Variants in RBFOX1 observed in about 807,000 individuals in gnomAD.
RBFOX1 encodes RNA binding protein fox-1 homolog 1.
Under a neutral mutation model 57.7 loss-of-function variants are expected in RBFOX1, and 8 were observed. That is an observed-to-expected ratio of 0.14 (90% CI 0.08 to 0.25). The LOEUF (loss-of-function observed/expected upper bound fraction) is 0.25, where lower values mean the gene tolerates loss of function less well. RBFOX1 is among the 10% of genes least tolerant of loss of function. The pLI, the probability that RBFOX1 is intolerant of heterozygous loss-of-function variation, is 1.00. For synonymous variants in RBFOX1, 326 were observed against 222.4 expected, an observed-to-expected ratio of 1.47 and a Z score of -4.15; for missense variants, 611 against 548.5, an observed-to-expected ratio of 1.11 and a Z score of -1.14.
chr16:7,188,965 A>T (rs1363385909), intron 4 of RBFOX1, among the ~76,000 whole-genome samples: 1 of 152,144 alleles, frequency 6.6e-6, no homozygotes, highest in Middle Eastern at 3.2e-3. Context: ...TAGCTTGATA[A>T]ACCACTCAAG....
chr16:6,804,308 A>G (rs116006024), intron 3 of RBFOX1, among the ~76,000 whole-genome samples: 1 of 152,034 alleles, frequency 6.6e-6, no homozygotes, highest in East Asian at 1.9e-4. Context: ...CAGCCCTGCC[A>G]ATACATACAA....
intron 4 of RBFOX1, among the ~76,000 whole-genome samples, chr16:7,122,906 C>A (rs779688202): frequency 6.6e-6 from 1 of 152,108 alleles, no homozygotes; most frequent in South Asian, 2.1e-4. Flanking sequence ...CAACTTGGAT[C>A]TATTTCAAAA....
intron 3 of RBFOX1, among the ~76,000 whole-genome samples, chr16:6,727,127 T>G (rs1396235649): frequency 6.7e-6 from 1 of 148,606 alleles, no homozygotes; most frequent in African/African-American, 2.5e-5. Flanking sequence ...TGTGTGTGTA[T>G]ATATAAAACA....
At chr16:6,534,251 G>GTGTGTA (rs989559645) in intron 2 of RBFOX1, among the ~76,000 whole-genome samples, 2 of 151,674 alleles carry the variant, frequency 1.3e-5, no homozygotes, top group African/African-American at 2.4e-5. Context: ...AAGGACATCA[G>GTGTGTA]TGTGTATGTG....
At chr16:7,257,760 T>C (rs1273445474) in intron 4 of RBFOX1, among the ~76,000 whole-genome samples, 4 of 152,200 alleles carry the variant, frequency 2.6e-5, no homozygotes, top group Admixed American at 1.3e-4. Flanking sequence ...TCAGTAGAAC[T>C]CTGCAGATTT....
intron 4 of RBFOX1, among the ~76,000 whole-genome samples, chr16:7,096,810 T>G (rs1204625496): frequency 6.6e-6 from 1 of 151,228 alleles, no homozygotes; most frequent in Non-Finnish European, 1.5e-5. Context: ...CTCTCCCCTG[T>G]AATCCCAGCT....
At chr16:6,524,019 CTCTT>C (rs1456939839) in intron 2 of RBFOX1, among the ~76,000 whole-genome samples, 1 of 152,140 alleles carries the variant, frequency 6.6e-6, no homozygotes, top group Non-Finnish European at 1.5e-5. Flanking sequence ...TCCAATTACA[CTCTT>C]TATTTTAAAA....
At chr16:7,051,564 G>T (rs762712055) in intron 3 of RBFOX1, among the ~76,000 whole-genome samples, 10 of 152,230 alleles carry the variant, frequency 6.6e-5, no homozygotes, top group Admixed American at 1.3e-4. Context: ...ACTACCATCT[G>T]ATTAGAACTG....
chr16:6,439,594 C>T (rs2094323780), intron 2 of RBFOX1, among the ~76,000 whole-genome samples: 1 of 152,174 alleles, frequency 6.6e-6, no homozygotes, highest in Admixed American at 6.5e-5. Flanking sequence ...GTGCAATATA[C>T]CCTTCCTGAT....
At chr16:6,777,453 T>G (rs2079569712) in intron 3 of RBFOX1, among the ~76,000 whole-genome samples, 1 of 152,184 alleles carries the variant, frequency 6.6e-6, no homozygotes, top group Non-Finnish European at 1.5e-5. Flanking sequence ...GTATCAGTTT[T>G]CAGCTGCATG....
intron 3 of RBFOX1, among the ~76,000 whole-genome samples, chr16:6,837,286 G>A (rs1198052301): frequency 1.3e-5 from 2 of 152,170 alleles, no homozygotes; most frequent in Non-Finnish European, 2.9e-5. Flanking sequence ...TGTTCCACGA[G>A]GTGGCTCAAG....
intron 3 of RBFOX1, among the ~76,000 whole-genome samples, chr16:5,851,687 A>G (rs901336174): frequency 6.6e-6 from 1 of 152,238 alleles, no homozygotes; most frequent in African/African-American, 2.4e-5. Flanking sequence ...GGTTCTGAGC[A>G]TTCCTTCCTG....
chr16:7,564,426 A>T (rs554776836), intron 5 of RBFOX1, among the ~76,000 whole-genome samples: 149 of 151,368 alleles, frequency 9.8e-4, no homozygotes, highest in African/African-American at 3.3e-3. Flanking sequence ...CTGTAATCTC[A>T]AGTACTCAGG....
At chr16:6,418,643 C>T (rs1039039965) in intron 2 of RBFOX1, among the ~76,000 whole-genome samples, 16 of 150,818 alleles carry the variant, frequency 1.1e-4, no homozygotes, top group Admixed American at 9.3e-4. Context: ...CCTACATCAG[C>T]CTTCTAAGTA....
chr16:5,942,099 T>C (rs571253582), intron 4 of RBFOX1, among the ~76,000 whole-genome samples: 1 of 152,268 alleles, frequency 6.6e-6, no homozygotes, highest in Non-Finnish European at 1.5e-5. Flanking sequence ...AGTGGGTTCT[T>C]CTTGCCTGAT....
At chr16:6,354,864 G>T (rs1459910076) in intron 2 of RBFOX1, among the ~76,000 whole-genome samples, 1 of 152,136 alleles carries the variant, frequency 6.6e-6, no homozygotes, top group Non-Finnish European at 1.5e-5. Context: ...ATCAATAAAT[G>T]AATAAATAAA....
intron 11 of RBFOX1, among the ~76,000 whole-genome samples, chr16:7,651,411 G>A (rs1252880722): frequency 1.3e-5 from 2 of 152,166 alleles, no homozygotes; most frequent in African/African-American, 4.8e-5. Flanking sequence ...GGAGTTCTAA[G>A]TGCACTACAT....
chr16:7,673,022 T>A (rs2072070016), intron 13 of RBFOX1, among the ~76,000 whole-genome samples: 1 of 152,038 alleles, frequency 6.6e-6, no homozygotes, highest in Non-Finnish European at 1.5e-5. Context: ...ACTTGACCCT[T>A]GCATATTTTC....
chr16:5,800,256 A>G (rs573569300), intron 3 of RBFOX1, among the ~76,000 whole-genome samples: 1 of 152,198 alleles, frequency 6.6e-6, no homozygotes, highest in Middle Eastern at 3.2e-3. Context: ...AATGGTGTGT[A>G]GCCTAATTTT....
Sources: allele counts gnomAD v4.1 joint callset (sites outside exome capture counted in the v4.1 genomes callset), GRCh38; gene constraint gnomAD v4.1.1; transcripts MANE v1.5; gene names NCBI Gene and HGNC (gene_info 2026-07-23, HGNC 2026-07-21).